Variants in GRM1 observed in about 807,000 individuals in gnomAD.
GRM1 encodes the protein metabotropic glutamate receptor 1.
In GRM1, 33 loss-of-function variants were observed where a neutral mutation model predicts 90.9. The ratio of observed to expected loss-of-function variants is 0.36; its 90% CI spans 0.28 to 0.49. The LOEUF is 0.49. Among genes scored for constraint, GRM1 ranks in the 20% least tolerant of loss-of-function variants. GRM1 has a pLI of 0.99. For missense variants in GRM1, 1,190 were observed against 1,534.3 expected, an observed-to-expected ratio of 0.78 and a Z score of 3.75; for synonymous variants, 700 against 613.2, an observed-to-expected ratio of 1.14 and a Z score of -2.09.
intron 3 of GRM1, among the ~76,000 whole-genome samples, chr6:146,349,802 A>T (rs1395346871): frequency 6.6e-6 from 1 of 152,042 alleles, no homozygotes; most frequent in African/African-American, 2.4e-5. Flanking sequence ...GAAATTAGTT[A>T]AAAAATAATG....
intron 1 of GRM1, among the ~76,000 whole-genome samples, chr6:146,110,391 G>A (rs112635032): frequency 1.2e-4 from 19 of 152,098 alleles, no homozygotes; most frequent in East Asian, 1.9e-4. Context: ...CTTGTCTGCC[G>A]CCATGTGAGA....
chr6:146,144,778 C>T (rs1777026354), intron 1 of GRM1, among the ~76,000 whole-genome samples: 1 of 152,104 alleles, frequency 6.6e-6, no homozygotes, highest in Non-Finnish European at 1.5e-5. Context: ...AAGAGTGATT[C>T]TGATGAGGGC....
intron 1 of GRM1, among the ~76,000 whole-genome samples, chr6:146,135,835 A>T (rs925966368): frequency 6.6e-6 from 1 of 152,112 alleles, no homozygotes; most frequent in Non-Finnish European, 1.5e-5. Context: ...TTAAATTATT[A>T]TTAACTGTAA....
At chr6:146,085,231 T>C (rs901472461) in intron 1 of GRM1, among the ~76,000 whole-genome samples, 4 of 152,188 alleles carry the variant, frequency 2.6e-5, no homozygotes, top group African/African-American at 9.6e-5. Flanking sequence ...CAATAGTGCA[T>C]GTTTAAATAC....
At chr6:146,270,920 C>T (rs183293736) in intron 2 of GRM1, among the ~76,000 whole-genome samples, 4,313 of 61,410 alleles carry the variant, frequency 0.07, 65 homozygotes, top group African/African-American at 0.13. Context: ...TTTCTTCCTT[C>T]CTTCCTTCCT....
intron 2 of GRM1, among the ~76,000 whole-genome samples, chr6:146,175,467 T>G (rs1159530115): frequency 6.6e-6 from 1 of 152,210 alleles, no homozygotes; most frequent in African/African-American, 2.4e-5. Flanking sequence ...CTCTCACAAG[T>G]TGTCTGGACA....
At chr6:146,315,229 A>G (rs1315270135) in intron 3 of GRM1, among the ~76,000 whole-genome samples, 1 of 152,166 alleles carries the variant, frequency 6.6e-6, no homozygotes, top group Non-Finnish European at 1.5e-5. Flanking sequence ...GAAAAATGCC[A>G]TAGAAACAAT....
intron 1 of GRM1, among the ~76,000 whole-genome samples, chr6:146,136,013 A>C (rs1293931973): frequency 6.6e-6 from 1 of 152,142 alleles, no homozygotes; most frequent in African/African-American, 2.4e-5. Flanking sequence ...GCTTTCACAA[A>C]TAAGTGACAA....
At chr6:146,132,449 A>G (rs1776440996) in intron 1 of GRM1, among the ~76,000 whole-genome samples, 1 of 152,236 alleles carries the variant, frequency 6.6e-6, no homozygotes, top group Non-Finnish European at 1.5e-5. Flanking sequence ...ATGAATGGGC[A>G]TATGGAATAT....
intron 1 of GRM1, among the ~76,000 whole-genome samples, chr6:146,064,786 G>A (rs1212057854): frequency 1.4e-5 from 2 of 140,360 alleles, no homozygotes; most frequent in Admixed American, 7.2e-5. Context: ...GTGAGACTCA[G>A]TCTCAAAAAA....
chr6:146,319,219 G>T (rs1400853234), intron 3 of GRM1, among the ~76,000 whole-genome samples: 1 of 151,726 alleles, frequency 6.6e-6, no homozygotes, highest in Non-Finnish European at 1.5e-5. Context: ...TTTATTAAAT[G>T]GGGAATCCTT....
At chr6:146,379,572 T>G (rs1209635331) in intron 5 of GRM1, among the ~76,000 whole-genome samples, 1 of 151,994 alleles carries the variant, frequency 6.6e-6, no homozygotes, top group Non-Finnish European at 1.5e-5. Context: ...CAAGATTGGT[T>G]TCCGGTGTCT....
intron 3 of GRM1, among the ~76,000 whole-genome samples, chr6:146,344,236 AGCTATTTGAAAATT>A (rs1200404256): frequency 1.3e-5 from 2 of 152,146 alleles, no homozygotes; most frequent in Non-Finnish European, 2.9e-5. Context: ...ACGTGTGTGT[AGCTATTTGAAAATT>A]ATTAACGCAT....
chr6:146,225,133 G>A (rs1324202691), intron 2 of GRM1, among the ~76,000 whole-genome samples: 1 of 152,090 alleles, frequency 6.6e-6, no homozygotes, highest in Admixed American at 6.6e-5. Context: ...TTTTCGTTTT[G>A]TATGACCGAT....
intron 1 of GRM1, among the ~76,000 whole-genome samples, chr6:146,158,535 G>A (rs918862256): frequency 2.8e-4 from 43 of 152,100 alleles, no homozygotes; most frequent in African/African-American, 1.0e-3. Flanking sequence ...TTGAGAAATC[G>A]TGAGGGCATG....
chr6:146,244,753 A>ATTT (rs1418459399), intron 2 of GRM1, among the ~76,000 whole-genome samples: 1 of 152,058 alleles, frequency 6.6e-6, no homozygotes, highest in East Asian at 1.9e-4. Flanking sequence ...ATAGTAGCAA[A>ATTT]TTTTTTATTT....
chr6:146,048,571 C>T (rs1791417157), intron 1 of GRM1, among the ~76,000 whole-genome samples: 1 of 151,880 alleles, frequency 6.6e-6, no homozygotes, highest in Admixed American at 6.6e-5. Context: ...ACCCTAATAC[C>T]TGATATCTCA....
intron 1 of GRM1, among the ~76,000 whole-genome samples, chr6:146,126,135 C>T (rs962198550): frequency 1.3e-5 from 2 of 151,878 alleles, no homozygotes; most frequent in Non-Finnish European, 2.9e-5. Flanking sequence ...CAAACGTTGA[C>T]CAAAATTGTG....
At chr6:146,357,045 C>A (rs757560304) in intron 4 of GRM1, among the ~76,000 whole-genome samples, 1 of 152,156 alleles carries the variant, frequency 6.6e-6, no homozygotes, top group Non-Finnish European at 1.5e-5. Context: ...ATTAAAGATG[C>A]CTTTCTCAGA....
Sources: allele counts gnomAD v4.1 joint callset (sites outside exome capture counted in the v4.1 genomes callset), GRCh38; gene constraint gnomAD v4.1.1; transcripts MANE v1.5; gene names NCBI Gene and HGNC (gene_info 2026-07-23, HGNC 2026-07-21).